SATL1: variants seen among roughly 807,000 people sequenced by gnomAD.
The protein encoded by SATL1 is spermidine/spermine N1-acetyl transferase like 1.
Under a neutral mutation model 51.8 loss-of-function variants are expected in SATL1, and 47 were observed. The ratio of observed to expected loss-of-function variants is 0.91; its 90% CI spans 0.72 to 1.16. SATL1 has a LOEUF of 1.16. Ranked by LOEUF, SATL1 falls within the 50% of genes most tolerant of loss-of-function variation. The pLI is 0.00. For synonymous variants in SATL1, 176 were observed against 182.4 expected (o/e 0.97, Z 0.28); for missense variants, 520 against 526.4 (o/e 0.99, Z 0.12).
Position 85,179,761 on chromosome X carries a change from A to G in SATL1, c.-313+44444T>C, listed in dbSNP as rs746849459. Among the ~76,000 whole-genome samples the G allele has an allele frequency of 5.4e-5, 6 of 110,416 alleles. No homozygotes were observed. The East Asian group carries it at 1.7e-3, about 31-fold the overall frequency. ...TGCCCTGCATAGTCTTACTACCTCT[A>G]TTTTTACAAACAAGGAAATCAAGGG... On this transcript the variant is annotated intron_variant, in intron 2 of 7. Coordinates refer to ENST00000644105, the MANE Select transcript of SATL1 (RefSeq NM_001367857.2).
intron 2 of SATL1, among the ~76,000 whole-genome samples, chrX:85,205,436 T>C (rs1367589525): frequency 1.8e-5 from 2 of 112,056 alleles, no homozygotes; most frequent in Non-Finnish European, 3.8e-5. Flanking sequence ...ATAAATTCTA[T>C]AAATAAAATA....
intron 2 of SATL1, among the ~76,000 whole-genome samples, chrX:85,164,412 A>C (rs1374011653): frequency 2.7e-5 from 3 of 111,186 alleles, no homozygotes; most frequent in African/African-American, 9.8e-5. Context: ...GCTTTTAGCA[A>C]CTCTTGTAGT....
At chrX:85,219,129 C>T (rs1377210495) in intron 2 of SATL1, 1 of 111,666 alleles carries the variant, frequency 9.0e-6, no homozygotes, top group African/African-American at 3.3e-5. Flanking sequence ...AGTTATGAAC[C>T]GTGAGAAGAG....
chrX:85,143,437 G>A (rs1354996903), intron 2 of SATL1: 2 of 111,185 alleles, frequency 1.8e-5, no homozygotes, highest in Non-Finnish European at 3.8e-5. Flanking sequence ...ATGGTGGATC[G>A]CTTGTTTATA....
chrX:85,154,743 G>A (rs2032573), intron 2 of SATL1, among the ~76,000 whole-genome samples: 103 of 112,470 alleles, frequency 9.2e-4, no homozygotes, highest in Non-Finnish European at 1.8e-3. Flanking sequence ...AAGCTGTAAA[G>A]CCATGCTATA....
intron 2 of SATL1, among the ~76,000 whole-genome samples, chrX:85,184,631 T>C (rs1372660729): frequency 8.9e-6 from 1 of 112,287 alleles, no homozygotes; most frequent in Non-Finnish European, 1.9e-5. Flanking sequence ...TTCTTCAGTG[T>C]GTCAATTGCA....
intron 2 of SATL1, chrX:85,207,920 T>A (rs1263415657): frequency 8.9e-6 from 1 of 111,943 alleles, no homozygotes; most frequent in Non-Finnish European, 1.9e-5. Flanking sequence ...TTTTAAATTA[T>A]ACTTTAAGTT....
chrX:85,222,347 T>C (rs1222820563), intron 2 of SATL1, among the ~76,000 whole-genome samples: 1 of 111,770 alleles, frequency 8.9e-6, no homozygotes, highest in Non-Finnish European at 1.9e-5. Context: ...ATCATAACTA[T>C]TATCTGCTAT....
At chrX:85,164,160 G>A (rs1039013554) in intron 2 of SATL1, among the ~76,000 whole-genome samples, 4 of 111,667 alleles carry the variant, frequency 3.6e-5, no homozygotes, top group Non-Finnish European at 7.5e-5. Flanking sequence ...TGTTAAGTGA[G>A]TCTCAGCAAA....
At chrX:85,172,822 T>C (rs894585066) in intron 2 of SATL1, among the ~76,000 whole-genome samples, 1 of 110,977 alleles carries the variant, frequency 9.0e-6, no homozygotes, top group Non-Finnish European at 1.9e-5. Flanking sequence ...AGAAACCTGG[T>C]TACAGGGTTA....
intron 2 of SATL1, among the ~76,000 whole-genome samples, chrX:85,203,972 C>T (rs1263370854): frequency 3.6e-5 from 4 of 112,202 alleles, no homozygotes; most frequent in Non-Finnish European, 7.5e-5. Flanking sequence ...GCTGCAGCTA[C>T]TTTTGCTGGA....
intron 2 of SATL1, among the ~76,000 whole-genome samples, chrX:85,223,645 G>A (rs1928218759): frequency 9.0e-6 from 1 of 110,891 alleles, no homozygotes; most frequent in African/African-American, 3.3e-5. Flanking sequence ...CTTGCTGACT[G>A]GGAACAAAAA....
At chrX:85,116,493 C>T (rs773079636) in intron 2 of SATL1, among the ~76,000 whole-genome samples, 3 of 111,646 alleles carry the variant, frequency 2.7e-5, no homozygotes, top group South Asian at 7.6e-4. Flanking sequence ...TTTTAGCACT[C>T]GGGAGGGGCT....
rs1308960581 is a variant in SATL1 at position 85,099,035 on chromosome X, T to C, written c.1694-4039A>G. Reference sequence around the variant, plus strand: ...TGAAAAGATCAACAAAATTGACAGCTAGACTGACAAAGAGGATGCAAATAA... The same window carrying C: ...TGAAAAGATCAACAAAATTGACAGCCAGACTGACAAAGAGGATGCAAATAA... On this transcript the variant is annotated intron_variant, in intron 4 of 7. Transcript: ENST00000644105. Among the ~76,000 whole-genome samples, 3 of 111,192 alleles carry C rather than the reference T, an allele frequency of 2.7e-5. No homozygotes were observed. In the South Asian group the frequency reaches 1.1e-3, roughly 42 times the overall value.
At chrX:85,160,729 G>T (rs923870617) in intron 2 of SATL1, among the ~76,000 whole-genome samples, 1 of 110,685 alleles carries the variant, frequency 9.0e-6, no homozygotes, top group Non-Finnish European at 1.9e-5. Flanking sequence ...AAGATGGCAA[G>T]AATGGAAGCA....
chrX:85,125,179 C>T (rs1396457166), intron 2 of SATL1, among the ~76,000 whole-genome samples: 1 of 110,737 alleles, frequency 9.0e-6, no homozygotes, highest in African/African-American at 3.3e-5. Context: ...CAAGGCTACC[C>T]AGGGACCATT....
At chrX:85,121,062 GCTT>G (rs1278558672) in intron 2 of SATL1, among the ~76,000 whole-genome samples, 7 of 110,478 alleles carry the variant, frequency 6.3e-5, no homozygotes, top group Non-Finnish European at 9.5e-5. Flanking sequence ...TTAGCTCTGT[GCTT>G]CTTAGTAACT....
In SATL1 at chrX:85,220,410, C is replaced by A. The variant is rs535161665; in HGVS notation, c.-313+3795G>T. ...TGAGGGCGCATATGACCTGCTGAGACATCAGTGGGAGCAGCTAAGGGAGTG... is the reference window on the plus strand; with the variant it reads ...TGAGGGCGCATATGACCTGCTGAGAAATCAGTGGGAGCAGCTAAGGGAGTG... On this transcript the variant is annotated intron_variant, in intron 2 of 7. Coordinates refer to ENST00000644105, the MANE Select transcript of SATL1 (RefSeq NM_001367857.2). Among the ~76,000 whole-genome samples, 139 of 108,738 alleles carry A rather than the reference C, an allele frequency of 1.3e-3. 2 individuals carry two copies. The highest frequency in any genetic ancestry group is 9.9e-3 in the South Asian group (24 of 2,433). 94.4% of individuals were successfully genotyped at this position (108,738 alleles called of 115,157 possible). A position where few individuals can be genotyped will look rare whatever the true frequency, so the allele number is the denominator to read the frequency against.
chrX:85,199,174 C>G (rs748787160), intron 2 of SATL1, among the ~76,000 whole-genome samples: 1 of 110,799 alleles, frequency 9.0e-6, no homozygotes, highest in East Asian at 2.8e-4. Context: ...TCCCCACACT[C>G]CCCCCACTAC....
Sources: gnomAD v4.1 joint callset for allele counts (sites outside exome capture counted in the v4.1 genomes callset) on GRCh38, gnomAD v4.1.1 for gene constraint, MANE v1.5 for transcripts, NCBI Gene and HGNC (gene_info 2026-07-23, HGNC 2026-07-21) for gene names.